The following KIF26B variants were observed in gnomAD, a reference collection of about 807,000 sequenced individuals.
KIF26B encodes the protein kinesin family member 26B.
Under a neutral mutation model 151.2 loss-of-function variants are expected in KIF26B, and 63 were observed. The observed-to-expected ratio is 0.42, with a 90% CI of 0.34 to 0.51. The LOEUF (loss-of-function observed/expected upper bound fraction) is 0.51, where lower values mean the gene tolerates loss of function less well. Among genes scored for constraint, KIF26B ranks in the 20% least tolerant of loss-of-function variants. The probability of loss-of-function intolerance (pLI) is 0.07; values close to 1 mark genes in which losing one functional copy is unlikely to be tolerated. For synonymous variants in KIF26B, 1,357 were observed against 1,262.1 expected (o/e 1.08, Z -1.59); for missense variants, 2,813 against 2,913.6 (o/e 0.97, Z 0.79).
At chr1:245,222,257 T>C (rs2103549651) in intron 2 of KIF26B, among the ~76,000 whole-genome samples, 1 of 152,204 alleles carries the variant, frequency 6.6e-6, no homozygotes, top group South Asian at 2.1e-4. Flanking sequence ...GCCAACATGG[T>C]AAAACCCCGT....
intron 10 of KIF26B, among the ~76,000 whole-genome samples, chr1:245,657,465 T>C (rs927623194): frequency 2.0e-5 from 3 of 152,214 alleles, no homozygotes; most frequent in Non-Finnish European, 2.9e-5. Flanking sequence ...TTGTTTTCTT[T>C]ACATTCCACA....
rs190493755 is a variant in KIF26B, at chr1:245,665,933, C to T, written c.2259-18300C>T. On this transcript the variant is annotated intron_variant, in intron 10 of 14. Transcript: ENST00000407071. ...CTCCTGACCTCCAGTGATCCACCCG[C>T]GGTCAGCCTCCCAAAGTCCTGGCAT... Among the ~76,000 whole-genome samples, 587 of 150,692 alleles carry T rather than the reference C, an allele frequency of 3.9e-3. 5 individuals are homozygous for T. Among genetic ancestry groups the T allele is most frequent in the African/African-American group, 0.013 (546 of 41,030 alleles).
intron 4 of KIF26B, among the ~76,000 whole-genome samples, chr1:245,471,605 A>G (rs1659915931): frequency 6.6e-6 from 1 of 152,194 alleles, no homozygotes. Context: ...AATTAATAAA[A>G]ACGTACTCAT....
chr1:245,491,526 C>G (rs716010), intron 4 of KIF26B, among the ~76,000 whole-genome samples: 2 of 152,162 alleles, frequency 1.3e-5, no homozygotes, highest in Non-Finnish European at 2.9e-5. Context: ...GGAATGTTCC[C>G]GTAGCCTGAG....
At position 245,686,609 on chromosome 1, in the gene KIF26B, GCAT is replaced by G. The variant is rs1291494940; in HGVS notation, c.3632_3634del (p.Ile1211del). 2.5e-6 allele frequency: 4 copies of G among 1,611,320 alleles called. No homozygotes were observed. The highest frequency in any genetic ancestry group is 1.3e-5 in the African/African-American group (1 of 74,892). ...GTCCTGGACAGCGGCCGCCCCACCA[GCAT>G]CATCAGCTTCAACAGCGACTGCTCT... On this transcript the variant is annotated inframe_deletion, in exon 12 of 15. Transcript: ENST00000407071. This position sits in a 1 kb window ranked among gnomAD's most constrained non-coding sequence, Gnocchi z 5.6.
chr1:245,360,806 G>A (rs1370616497), intron 2 of KIF26B, among the ~76,000 whole-genome samples: 1 of 152,182 alleles, frequency 6.6e-6, no homozygotes, highest in Non-Finnish European at 1.5e-5. Flanking sequence ...GAGGTCAGGA[G>A]TTCAAGACCA....
chr1:245,680,601 G>A (rs2044421833), intron 10 of KIF26B, among the ~76,000 whole-genome samples: 1 of 152,114 alleles, frequency 6.6e-6, no homozygotes, highest in Non-Finnish European at 1.5e-5. Context: ...CCTGGGTAAT[G>A]TCACATGGAG....
At chr1:245,224,621 ATAAC>A (rs1475632316) in intron 2 of KIF26B, among the ~76,000 whole-genome samples, 1 of 152,260 alleles carries the variant, frequency 6.6e-6, no homozygotes, top group Non-Finnish European at 1.5e-5. Flanking sequence ...GAGCTTCCCA[ATAAC>A]TAACAATTTT....
intron 2 of KIF26B, among the ~76,000 whole-genome samples, chr1:245,191,467 C>G (rs941020982): frequency 1.3e-5 from 2 of 152,066 alleles, no homozygotes; most frequent in Non-Finnish European, 2.9e-5. Flanking sequence ...AAGAGTGAAA[C>G]TCTTGTCTCA....
intron 2 of KIF26B, among the ~76,000 whole-genome samples, chr1:245,211,376 G>A (rs2103543803): frequency 6.6e-6 from 1 of 152,284 alleles, no homozygotes; most frequent in East Asian, 1.9e-4. Context: ...CCCTTGACAG[G>A]GCCCAAAATG....
chr1:245,562,088 C>T (rs544394269), intron 5 of KIF26B, among the ~76,000 whole-genome samples: 3 of 152,230 alleles, frequency 2.0e-5, no homozygotes, highest in South Asian at 2.1e-4. Flanking sequence ...CACTGATACT[C>T]GTCCTCCAGC....
chr1:245,226,351 A>T (rs954378157), intron 2 of KIF26B, among the ~76,000 whole-genome samples: 62 of 152,184 alleles, frequency 4.1e-4, no homozygotes, highest in African/African-American at 1.3e-3. Context: ...CCCAGCAGAG[A>T]CTGAACGCTA....
intron 2 of KIF26B, among the ~76,000 whole-genome samples, chr1:245,231,402 G>A (rs1669994615): frequency 6.6e-6 from 1 of 152,162 alleles, no homozygotes; most frequent in Admixed American, 6.6e-5. Flanking sequence ...TGTAATCCCA[G>A]CTACTTGGGA....
At chr1:245,592,293 G>A (rs972482458) in intron 5 of KIF26B, among the ~76,000 whole-genome samples, 11 of 152,156 alleles carry the variant, frequency 7.2e-5, no homozygotes, top group Non-Finnish European at 1.0e-4. Context: ...CCCACTGCCC[G>A]CCCCAGTCTC....
Position 245,705,788 on chromosome 1 carries a change from CGA to C in KIF26B, c.*3186_*3187del, listed in dbSNP as rs753300221. On this transcript the variant is annotated 3_prime_UTR_variant, in exon 15 of 15. Coordinates refer to ENST00000407071, the MANE Select transcript of KIF26B (RefSeq NM_018012.4). ...CGCATTGCACGGTGGTGCTGAGGAG[CGA>C]GAGTTTGCTTTATCATGGGCTTTCA... The C allele has an allele frequency of 1.1e-4, 17 of 152,082 alleles. No homozygotes were observed. Among genetic ancestry groups the C allele is most frequent in the Admixed American group, 2.0e-4 (3 of 15,272 alleles). 9.4% of individuals were successfully genotyped at this position (152,082 alleles called of 1,614,324 possible).
chr1:245,645,698 T>C (rs1340731061), intron 9 of KIF26B, among the ~76,000 whole-genome samples: 3 of 152,336 alleles, frequency 2.0e-5, no homozygotes, highest in Admixed American at 6.5e-5. Context: ...GGTTGGTTTC[T>C]GTATAACGAT....
Position 245,607,710 on chromosome 1 carries a change from T to G in KIF26B, c.1617T>G (p.Asp539Glu). 6.2e-7 allele frequency: 1 copy of G among 1,613,290 alleles called. No homozygotes were observed. Among genetic ancestry groups the G allele is most frequent in the South Asian group, 1.1e-5 (1 of 90,720 alleles). ...TCCAGTCTGTGGTCAACGGGGCAGA[T>G]GGCTGCGTGTTCTGTTTCGGCCACG... Reference protein sequence around the residue: ...EVIQSVVNGADGCVFCFGHAK... With the variant: ...EVIQSVVNGAEGCVFCFGHAK... The change falls in exon 7 of 15, where the codon GAT becomes GAG. Residue 539 changes from aspartate to glutamate, a missense_variant. Around this residue, in one of 3 missense-constraint regions of KIF26B, gnomAD observed 77 missense variants for 136.9 expected, o/e 0.56. Coordinates refer to ENST00000407071, the MANE Select transcript of KIF26B (RefSeq NM_018012.4).
rs1387796140 is a variant in KIF26B at position 245,687,467 on chromosome 1, G to A, written c.4484G>A (p.Gly1495Glu). Residue 1495 changes from glycine (G) to glutamate (E), a missense_variant, in exon 12 of 15, where the codon GGA becomes GAA. Gly to Glu is a moderately conservative substitution (Grantham distance 98). Coordinates refer to ENST00000407071, the MANE Select transcript of KIF26B (RefSeq NM_018012.4). This position sits in a 1 kb window ranked among gnomAD's most constrained non-coding sequence, Gnocchi z 4.9. ...SPGDRLSSSSGEVSASPVTDN... is the reference protein window; with the variant it reads ...SPGDRLSSSSEEVSASPVTDN... ...GGAGACAGGCTCAGCAGCAGCAGCG[G>A]AGAGGTGTCGGCCTCCCCGGTCACT... The A allele has an allele frequency of 6.3e-7, 1 of 1,586,544 alleles. No homozygotes were observed. Among genetic ancestry groups the A allele is most frequent in the South Asian group, 1.2e-5 (1 of 86,582 alleles).
At chr1:245,245,716 A>G (rs1670315810) in intron 2 of KIF26B, among the ~76,000 whole-genome samples, 1 of 152,068 alleles carries the variant, frequency 6.6e-6, no homozygotes, top group African/African-American at 2.4e-5. Flanking sequence ...GTGGATCACG[A>G]GGTCAGGAGT....
Sources: allele counts gnomAD v4.1 joint callset (sites outside exome capture counted in the v4.1 genomes callset), GRCh38; gene constraint gnomAD v4.1.1; regional missense constraint gnomAD v4.1.1; non-coding constraint Gnocchi (gnomAD v3.1); transcripts MANE v1.5; gene names NCBI Gene and HGNC (gene_info 2026-07-23, HGNC 2026-07-21).